COL24A1: variants seen among roughly 807,000 people sequenced by gnomAD.
COL24A1 encodes collagen alpha-1(XXIV) chain.
COL24A1 carries 224 observed loss-of-function variants against 253.9 expected under a neutral mutation model. The observed-to-expected ratio is 0.88, with a 90% CI of 0.79 to 0.99. COL24A1 has a LOEUF of 0.99. Among genes scored for constraint, COL24A1 ranks in the 50% least tolerant of loss-of-function variants. The pLI is 0.00. For synonymous variants in COL24A1, 685 were observed against 673.7 expected (o/e 1.02, Z -0.26); for missense variants, 2,131 against 2,068.5 (o/e 1.03, Z -0.59).
At chr1:85,737,570 T>A in intron 57 of COL24A1, 65 bp from the exon 58 acceptor site, 1 of 1,175,944 alleles carries the variant, frequency 8.5e-7, no homozygotes, top group Non-Finnish European at 1.2e-6. Flanking sequence ...TAATTTCTTT[T>A]TTTTTTTTGA....
intron 20 of COL24A1, among the ~76,000 whole-genome samples, chr1:85,980,518 A>C (rs1043704002): frequency 2.6e-5 from 4 of 152,214 alleles, no homozygotes; most frequent in Non-Finnish European, 5.9e-5. Context: ...AATCATTAGC[A>C]CTGCTATACA....
At chr1:85,895,016 T>C (rs928733022) in intron 31 of COL24A1, among the ~76,000 whole-genome samples, 4 of 152,136 alleles carry the variant, frequency 2.6e-5, no homozygotes, top group African/African-American at 9.7e-5. Flanking sequence ...ATATTATACA[T>C]ATATGTGTAT....
chr1:86,036,528 C>T (rs1212248578), intron 12 of COL24A1, among the ~76,000 whole-genome samples: 2 of 152,088 alleles, frequency 1.3e-5, no homozygotes, highest in Non-Finnish European at 1.5e-5. Context: ...TAAAGAACAT[C>T]ATACCAATGT....
intron 3 of COL24A1, among the ~76,000 whole-genome samples, chr1:86,122,696 A>C (rs541965496): frequency 1.3e-5 from 2 of 151,910 alleles, no homozygotes; most frequent in African/African-American, 4.8e-5. Context: ...GGTCCCATTA[A>C]TTTCCTAGTT....
intron 53 of COL24A1, among the ~76,000 whole-genome samples, chr1:85,766,368 CA>C (rs1319642983): frequency 3.5e-3 from 231 of 66,262 alleles, no homozygotes; most frequent in African/African-American, 0.011. Flanking sequence ...GACTCTGTCT[CA>C]AAAAAAAAAA....
rs116178652 is a variant in COL24A1, at chr1:86,046,805, A to G, written c.1950+20T>C. The G allele has an allele frequency of 2.4e-3, 3,825 of 1,611,296 alleles. 5 individuals carry two copies. Among genetic ancestry groups the G allele is most frequent in the Non-Finnish European group, 2.9e-3 (3,417 of 1,177,810 alleles). ...TTATATTGCTGTAAAATAAACCTCA[A>G]AAAACACAAATTAAGATACCTGTCT... On this transcript the variant is annotated intron_variant, in intron 12 of 59. Transcript: ENST00000370571.
At chr1:85,800,214 C>A (rs138865197) in intron 47 of COL24A1, among the ~76,000 whole-genome samples, 5 of 152,148 alleles carry the variant, frequency 3.3e-5, no homozygotes, top group African/African-American at 1.2e-4. Context: ...AGGATTCTCA[C>A]ATTTAAAAAT....
chr1:85,826,572 C>G (rs564009298), intron 43 of COL24A1, among the ~76,000 whole-genome samples: 3,786 of 149,066 alleles, frequency 0.025, 153 homozygotes, highest in African/African-American at 0.091. Context: ...GAATGTTCTT[C>G]CATTTGTTTG....
chr1:85,946,855 T>C (rs930513025), intron 24 of COL24A1, among the ~76,000 whole-genome samples: 4 of 152,212 alleles, frequency 2.6e-5, no homozygotes, highest in African/African-American at 7.2e-5. Flanking sequence ...ACAGAACTAC[T>C]ATTCTGTTGA....
chr1:85,746,927 C>T (rs1377370789), intron 55 of COL24A1, among the ~76,000 whole-genome samples: 1 of 151,994 alleles, frequency 6.6e-6, no homozygotes, highest in Non-Finnish European at 1.5e-5. Context: ...AGGGCTAAAC[C>T]ATAGCCACCT....
At chr1:85,821,920 A>C (rs1431927352) in intron 45 of COL24A1, among the ~76,000 whole-genome samples, 2 of 152,230 alleles carry the variant, frequency 1.3e-5, no homozygotes, top group African/African-American at 4.8e-5. Context: ...ATTAATTGTA[A>C]AAAAGTAGAT....
chr1:85,966,993 T>C (rs1354679082), intron 22 of COL24A1, among the ~76,000 whole-genome samples: 3 of 152,182 alleles, frequency 2.0e-5, no homozygotes, highest in Non-Finnish European at 4.4e-5. Flanking sequence ...TGATTCTGTA[T>C]AGAGAAAAGA....
At chr1:86,063,419 G>C (rs1277182547) in intron 8 of COL24A1, among the ~76,000 whole-genome samples, 1 of 151,564 alleles carries the variant, frequency 6.6e-6, no homozygotes, top group African/African-American at 2.4e-5. Flanking sequence ...TCTGGGAAAG[G>C]ATTCATAGTA....
At chr1:85,918,643 A>G (rs1686150163) in intron 24 of COL24A1, among the ~76,000 whole-genome samples, 1 of 152,210 alleles carries the variant, frequency 6.6e-6, no homozygotes, top group African/African-American at 2.4e-5. Context: ...ACACTTGGAA[A>G]TAATAGATGA....
intron 47 of COL24A1, among the ~76,000 whole-genome samples, chr1:85,810,226 A>G (rs1672392124): frequency 6.6e-6 from 1 of 152,098 alleles, no homozygotes; most frequent in South Asian, 2.1e-4. Context: ...ATGCTAAAAG[A>G]CACTCCCACC....
intron 24 of COL24A1, among the ~76,000 whole-genome samples, chr1:85,958,856 C>T (rs914343662): frequency 6.6e-6 from 1 of 152,056 alleles, no homozygotes; most frequent in African/African-American, 2.4e-5. Flanking sequence ...AAATTAGAGA[C>T]TCATCTGGGG....
intron 20 of COL24A1, among the ~76,000 whole-genome samples, chr1:85,979,669 C>T (rs546107601): frequency 6.8e-6 from 1 of 147,298 alleles, no homozygotes; most frequent in African/African-American, 2.5e-5. Flanking sequence ...TAATAACAAA[C>T]AGAAAGATAG....
At chr1:85,782,240 C>A (rs571418034) in intron 51 of COL24A1, among the ~76,000 whole-genome samples, 1 of 152,216 alleles carries the variant, frequency 6.6e-6, no homozygotes, top group African/African-American at 2.4e-5. Context: ...GCATGTGCCA[C>A]CATGCCCAGC....
chr1:86,122,490 CTAT>C (rs909689252), intron 3 of COL24A1, among the ~76,000 whole-genome samples: 2 of 152,074 alleles, frequency 1.3e-5, no homozygotes, highest in South Asian at 2.1e-4. Context: ...GCCTTGACAT[CTAT>C]TCTTTACTTC....
Sources: allele counts gnomAD v4.1 joint callset (sites outside exome capture counted in the v4.1 genomes callset), GRCh38; gene constraint gnomAD v4.1.1; transcripts MANE v1.5; gene names NCBI Gene and HGNC (gene_info 2026-07-23, HGNC 2026-07-21).